Variants in CTNNA3 observed in about 807,000 individuals in gnomAD.
CTNNA3 encodes the protein catenin alpha 3, also known as catenin alpha-3.
Under a neutral mutation model 95.7 loss-of-function variants are expected in CTNNA3, and 76 were observed. The observed-to-expected ratio is 0.79, with a 90% CI of 0.66 to 0.96. The LOEUF (loss-of-function observed/expected upper bound fraction) is 0.96, where lower values mean the gene tolerates loss of function less well. CTNNA3 is among the 40% of genes least tolerant of loss of function. The pLI, the probability that CTNNA3 is intolerant of heterozygous loss-of-function variation, is 0.00. For synonymous variants in CTNNA3, 431 were observed against 374.4 expected, an observed-to-expected ratio of 1.15 and a Z score of -1.74; for missense variants, 1,191 against 1,089.8, an observed-to-expected ratio of 1.09 and a Z score of -1.31.
intron 11 of CTNNA3, among the ~76,000 whole-genome samples, chr10:66,446,051 A>C (rs1192797673): frequency 1.3e-5 from 2 of 151,482 alleles, no homozygotes; most frequent in African/African-American, 2.4e-5. Context: ...AACACCTCTA[A>C]GCAAATAAAC....
At chr10:67,245,631 G>A (rs937630611) in intron 5 of CTNNA3, among the ~76,000 whole-genome samples, 29 of 152,056 alleles carry the variant, frequency 1.9e-4, no homozygotes, top group African/African-American at 6.8e-4. Flanking sequence ...AGGCCGAGGC[G>A]GGCGGATCAC....
intron 7 of CTNNA3, among the ~76,000 whole-genome samples, chr10:67,017,673 A>G (rs2073058962): frequency 6.6e-6 from 1 of 152,146 alleles, no homozygotes; most frequent in Non-Finnish European, 1.5e-5. Flanking sequence ...CTTACAGGAC[A>G]GTTAGTAGGT....
chr10:67,197,989 AATCT>A (rs1863455456), intron 6 of CTNNA3, among the ~76,000 whole-genome samples: 1 of 152,170 alleles, frequency 6.6e-6, no homozygotes, highest in South Asian at 2.1e-4. Context: ...CCAAAAGAGC[AATCT>A]ATGTTGATGA....
At chr10:66,169,464 T>C (rs1188018217) in intron 13 of CTNNA3, among the ~76,000 whole-genome samples, 2 of 152,206 alleles carry the variant, frequency 1.3e-5, no homozygotes, top group Non-Finnish European at 1.5e-5. Flanking sequence ...CAATTATGAA[T>C]ATTGTAATGC....
At chr10:67,302,653 C>T (rs985506072) in intron 5 of CTNNA3, among the ~76,000 whole-genome samples, 6 of 152,186 alleles carry the variant, frequency 3.9e-5, no homozygotes, top group Non-Finnish European at 5.9e-5. Flanking sequence ...ACACTTCATC[C>T]CCATGTTACC....
chr10:67,409,038 C>T (rs1176752638), intron 5 of CTNNA3, among the ~76,000 whole-genome samples: 1 of 152,056 alleles, frequency 6.6e-6, no homozygotes, highest in Admixed American at 6.5e-5. Context: ...CAATGAAATA[C>T]CATCTCATGC....
At chr10:67,184,664 T>C (rs180993649) in intron 6 of CTNNA3, among the ~76,000 whole-genome samples, 12 of 152,348 alleles carry the variant, frequency 7.9e-5, no homozygotes, top group Admixed American at 7.8e-4. Context: ...AGCTTCATCT[T>C]TGACATCATC....
chr10:67,066,402 A>G (rs1856086346), intron 7 of CTNNA3, among the ~76,000 whole-genome samples: 3 of 152,054 alleles, frequency 2.0e-5, no homozygotes, highest in Non-Finnish European at 4.4e-5. Flanking sequence ...CATGTTGGCC[A>G]GGATGATCTC....
At chr10:66,811,528 G>T (rs1049173928) in intron 7 of CTNNA3, among the ~76,000 whole-genome samples, 1 of 152,140 alleles carries the variant, frequency 6.6e-6, no homozygotes, top group Non-Finnish European at 1.5e-5. Context: ...ATGGAGTAAA[G>T]GTAGTTTGAA....
At chr10:67,032,829 T>C (rs886899013) in intron 7 of CTNNA3, among the ~76,000 whole-genome samples, 1 of 152,200 alleles carries the variant, frequency 6.6e-6, no homozygotes, top group African/African-American at 2.4e-5. Context: ...CACTGAATCC[T>C]TGGCTCTCAG....
chr10:66,516,238 T>C (rs947756293), intron 11 of CTNNA3, among the ~76,000 whole-genome samples: 4 of 152,040 alleles, frequency 2.6e-5, no homozygotes, highest in African/African-American at 7.2e-5. Flanking sequence ...TGAAAAATTA[T>C]GATGTTACAA....
chr10:66,898,300 G>T lies in CTNNA3; in HGVS notation c.1048-122776C>A, dbSNP rs991173755. ...TATAAATACACACATAATATAGTAAGGTTGTTCTTTGTAGAATCAGGGATT... is the reference window on the plus strand; with the variant it reads ...TATAAATACACACATAATATAGTAATGTTGTTCTTTGTAGAATCAGGGATT... On this transcript the variant is annotated intron_variant, in intron 7 of 17. Coordinates refer to ENST00000433211, the MANE Select transcript of CTNNA3 (RefSeq NM_013266.4). Among the ~76,000 whole-genome samples, 5 of 152,150 alleles carry T rather than the reference G, an allele frequency of 3.3e-5. No individual in the cohort carries two copies. The South Asian group carries it at 1.0e-3, about 32-fold the overall frequency.
chr10:66,766,705 C>T (rs576670888), intron 8 of CTNNA3, among the ~76,000 whole-genome samples: 124 of 152,032 alleles, frequency 8.2e-4, no homozygotes, highest in African/African-American at 2.8e-3. Context: ...TTCTTTTTTG[C>T]TCAAAGAAAT....
chr10:67,232,171 A>T (rs1865243853), intron 5 of CTNNA3, among the ~76,000 whole-genome samples: 2 of 152,130 alleles, frequency 1.3e-5, no homozygotes, highest in African/African-American at 2.4e-5. Context: ...CGCCACAAAG[A>T]CACTCCTCGA....
At chr10:66,571,411 AT>A (rs1267801170) in intron 10 of CTNNA3, among the ~76,000 whole-genome samples, 1 of 152,196 alleles carries the variant, frequency 6.6e-6, no homozygotes, top group Non-Finnish European at 1.5e-5. Flanking sequence ...GGTCTACATA[AT>A]AATCCTGTGA....
intron 13 of CTNNA3, among the ~76,000 whole-genome samples, chr10:66,189,466 G>T (rs2086533929): frequency 3.3e-5 from 5 of 151,412 alleles, no homozygotes; most frequent in Admixed American, 3.3e-4. Context: ...TTTCCCCATT[G>T]TGTCTTCTTG....
At chr10:67,331,237 C>A (rs1399979790) in intron 5 of CTNNA3, among the ~76,000 whole-genome samples, 1 of 152,088 alleles carries the variant, frequency 6.6e-6, no homozygotes, top group East Asian at 1.9e-4. Flanking sequence ...TGTTGGCAAA[C>A]TGTTTTTCTT....
intron 5 of CTNNA3, among the ~76,000 whole-genome samples, chr10:67,329,268 T>C (rs1394133906): frequency 6.6e-6 from 1 of 152,020 alleles, no homozygotes; most frequent in Non-Finnish European, 1.5e-5. Flanking sequence ...CTACTTGGAG[T>C]GCTGAGGCAG....
At chr10:66,569,309 T>C (rs549097430) in intron 10 of CTNNA3, among the ~76,000 whole-genome samples, 6 of 152,304 alleles carry the variant, frequency 3.9e-5, no homozygotes, top group East Asian at 3.9e-4. Flanking sequence ...TTTTCTTTCA[T>C]TGGGACAAAC....
Sources: gnomAD v4.1 joint callset for allele counts (sites outside exome capture counted in the v4.1 genomes callset) on GRCh38, gnomAD v4.1.1 for gene constraint, MANE v1.5 for transcripts, NCBI Gene and HGNC (gene_info 2026-07-23, HGNC 2026-07-21) for gene names.